KLHL38: variants seen among roughly 807,000 people sequenced by gnomAD.
KLHL38 encodes the protein kelch like family member 38.
KLHL38 carries 38 observed loss-of-function variants against 39.6 expected under a neutral mutation model. The observed-to-expected ratio is 0.96, with a 90% CI of 0.74 to 1.26. The LOEUF (loss-of-function observed/expected upper bound fraction) is 1.26, where lower values mean the gene tolerates loss of function less well. Ranked by LOEUF, KLHL38 falls within the 50% of genes most tolerant of loss-of-function variation. KLHL38 has a pLI of 0.00. For synonymous variants in KLHL38, 322 were observed against 302.2 expected, an observed-to-expected ratio of 1.07 and a Z score of -0.68; for missense variants, 803 against 748.1, an observed-to-expected ratio of 1.07 and a Z score of -0.86.
intron 1 of KLHL38, 98 bp from the exon 2 acceptor site, chr8:123,653,025 G>A: frequency 8.3e-7 from 1 of 1,201,608 alleles, no homozygotes; most frequent in Non-Finnish European, 1.1e-6. Context: ...CAAGACCAGT[G>A]CTCCTATTCC....
rs1554587823 is a variant in KLHL38, at chr8:123,645,055, A to AGG, written c.*682_*683dup. Among the ~76,000 whole-genome samples, 1 of 149,546 alleles carries AGG rather than the reference A, an allele frequency of 6.7e-6. No homozygotes were observed. Among genetic ancestry groups the AGG allele is most frequent in the Non-Finnish European group, 1.5e-5 (1 of 67,262 alleles). On this transcript the variant is annotated 3_prime_UTR_variant, in exon 4 of 4. Transcript: ENST00000684634. ...GAGACTGAGAGAGAGAGAGAGAGAG[A>AGG]GGGGCAGAGAGAGGCAGAGAGACAG...
At chr8:123,651,223 ATT>A (rs1476462476) in intron 2 of KLHL38, among the ~76,000 whole-genome samples, 1 of 151,912 alleles carries the variant, frequency 6.6e-6, no homozygotes, top group East Asian at 1.9e-4. Flanking sequence ...GCATGTACGT[ATT>A]TGTGTTCGTG....
In KLHL38 at chr8:123,645,417, A is replaced by G. The variant is rs982046848; in HGVS notation, c.*322T>C. On this transcript the variant is annotated 3_prime_UTR_variant, in exon 4 of 4. Coordinates refer to ENST00000684634, the MANE Select transcript of KLHL38 (RefSeq NM_001081675.3). ...GCACCACTGCACTCCAGCCTGGGCT[A>G]CAGAGTGAAACTCCATCTCAAAAAA... The G allele has an allele frequency of 1.8e-5, 6 of 331,196 alleles. No individual in the cohort carries two copies. The highest frequency in any genetic ancestry group is 6.3e-5 in the African/African-American group (3 of 47,946). 20.5% of individuals were successfully genotyped at this position (331,196 alleles called of 1,614,324 possible).
Position 123,652,041 on chromosome 8 carries a change from G to A in KLHL38, c.886C>T (p.Gln296Ter). The change falls in exon 2 of 4, where the codon CAG becomes TAG. Residue 296 changes from glutamine to a stop codon, truncating the protein, a stop_gained. Coordinates refer to ENST00000684634, the MANE Select transcript of KLHL38 (RefSeq NM_001081675.3). LOFTEE classifies it high-confidence loss of function. Reference sequence around the variant, plus strand: ...AGTAGGACGTCCCTGGTGGTCTGCTGGCTGTCCTTCCTTCCGCCCAAGAGG... The same window carrying A: ...AGTAGGACGTCCCTGGTGGTCTGCTAGCTGTCCTTCCTTCCGCCCAAGAGG... The part of the protein sequence containing the change: ...LILLGGRKDS[Q>*]QTTRDVLLYS... 6.2e-7 allele frequency: 1 copy of A among 1,614,180 alleles called. No homozygotes were observed. Among genetic ancestry groups the A allele is most frequent in the Non-Finnish European group, 8.5e-7 (1 of 1,180,028 alleles).
chr8:123,646,912 C>G lies in KLHL38; in HGVS notation c.1453G>C (p.Gly485Arg), dbSNP rs915202895. The stretch of plus-strand genomic sequence containing the variant: ...GTGATCCTCTGTTCAGACTCACCTC[C>G]CACAATGACAATCCGCTCCCCAAGC... ...VVLGERIVIVGGYTRRILAYD... is the reference protein window; with the variant it reads ...VVLGERIVIVRGYTRRILAYD... The change falls in exon 3 of 4, where the codon GGA (glycine) becomes CGA (arginine). Residue 485 changes from glycine (G) to arginine (R), a missense_variant. Coordinates refer to ENST00000684634, the MANE Select transcript of KLHL38 (RefSeq NM_001081675.3). 2.5e-6 allele frequency: 4 copies of G among 1,609,418 alleles called. No homozygotes were observed. The highest frequency in any genetic ancestry group is 2.5e-6 in the Non-Finnish European group (3 of 1,176,850).
chr8:123,645,997 A>G lies in KLHL38; in HGVS notation c.1488T>C (p.Pro496=). ...GYTRRILAYD[P]QSNKFVKCAD... ...CACATTTGACAAATTTGTTGGATTG[A>G]GGGTCATAAGCAAGAATCCTCCTTG... Residue 496 remains proline, a synonymous_variant, in exon 4 of 4, where the codon CCT becomes CCC. Coordinates refer to ENST00000684634, the MANE Select transcript of KLHL38 (RefSeq NM_001081675.3). 1 of 1,614,116 alleles carries G rather than the reference A, an allele frequency of 6.2e-7. No individual in the cohort carries two copies. Among genetic ancestry groups the G allele is most frequent in the African/African-American group, 1.3e-5 (1 of 75,028 alleles).
chr8:123,652,320 A>G lies in KLHL38; in HGVS notation c.607T>C (p.Trp203Arg), dbSNP rs560822048. The G allele has an allele frequency of 4.1e-4, 663 of 1,613,934 alleles. 7 individuals are homozygous for G. The South Asian group carries it at 6.7e-3, about 16-fold the overall frequency. The change falls in exon 2 of 4, where the codon TGG becomes CGG. Residue 203 changes from tryptophan to arginine, a missense_variant. By Grantham distance (101) the Trp-to-Arg change is moderately radical. Transcript: ENST00000684634. ...EEKVFEALMV[W>R]IKHDLQARKR... Reference sequence around the variant, plus strand: ...CGGGCCTGGAGGTCATGCTTGATCCAAACCATGAGGGCCTCAAACACCTTT... The same window carrying G: ...CGGGCCTGGAGGTCATGCTTGATCCGAACCATGAGGGCCTCAAACACCTTT...
In KLHL38 at chr8:123,652,773, G is replaced by T; in HGVS notation, c.154C>A (p.Leu52Met). ...CTGAAGTAGGGGCTGCTGGAGGCCA[G>T]CACGTTGCGGTGGCAGGGGATCTCC... ...AREIPCHRNV[L>M]ASSSPYFRAM... Residue 52 changes from leucine to methionine, a missense_variant, in exon 2 of 4, where the codon CTG becomes ATG. Coordinates refer to ENST00000684634, the MANE Select transcript of KLHL38 (RefSeq NM_001081675.3). 1 of 1,614,162 alleles carries T rather than the reference G, an allele frequency of 6.2e-7. No homozygotes were observed.
intron 2 of KLHL38, among the ~76,000 whole-genome samples, chr8:123,651,280 T>C (rs897099682): frequency 1.3e-5 from 2 of 152,012 alleles, no homozygotes; most frequent in African/African-American, 4.8e-5. Context: ...TATGTAAATG[T>C]GTGTATGCAT....
chr8:123,651,738 G>T lies in KLHL38; in HGVS notation c.1189C>A (p.Leu397Ile), dbSNP rs201299453. ...TCATACCTTTCCATGGAGCCCATGA[G>T]CTCCTGCCCTTCTCCAATCCCCCCG... ...SIGGIGEGQE[L>I]MGSMERYDSI... The change falls in exon 2 of 4, where the codon CTC (leucine) becomes ATC (isoleucine). Residue 397 changes from leucine (L) to isoleucine (I), a missense_variant. Coordinates refer to ENST00000684634, the MANE Select transcript of KLHL38 (RefSeq NM_001081675.3). The T allele has an allele frequency of 6.2e-7, 1 of 1,614,180 alleles. No individual in the cohort carries two copies. Among genetic ancestry groups the T allele is most frequent in the East Asian group, 2.2e-5 (1 of 44,874 alleles).
At chr8:123,649,818 A>G (rs1812602819) in intron 2 of KLHL38, among the ~76,000 whole-genome samples, 1 of 151,914 alleles carries the variant, frequency 6.6e-6, no homozygotes, top group African/African-American at 2.4e-5. Context: ...GCCCCTAGCC[A>G]CCCCTCTGCA....
intron 2 of KLHL38, among the ~76,000 whole-genome samples, chr8:123,648,921 T>A (rs931699900): frequency 2.0e-5 from 3 of 152,248 alleles, no homozygotes; most frequent in Admixed American, 1.3e-4. Context: ...GCATTCATTT[T>A]AAACTATATT....
In KLHL38 at chr8:123,645,975, AT is replaced by A; in HGVS notation, c.1509del (p.Lys503AsnfsTer5). The A allele has an allele frequency of 6.2e-7, 1 of 1,614,076 alleles. No individual in the cohort carries two copies. Among genetic ancestry groups the A allele is most frequent in the South Asian group, 1.1e-5 (1 of 91,078 alleles). On this transcript the variant is annotated frameshift_variant, in exon 4 of 4. Coordinates refer to ENST00000684634, the MANE Select transcript of KLHL38 (RefSeq NM_001081675.3). LOFTEE classifies it high-confidence loss of function. ...AYDPQSNKFV[K>X]CADMKDRRMH... ...ATCCTCCGGTCTTTCATGTCCGCACATTTGACAAATTTGTTGGATTGAGGGT... is the reference window on the plus strand; with the variant it reads ...ATCCTCCGGTCTTTCATGTCCGCACATTGACAAATTTGTTGGATTGAGGGT...
Position 123,652,234 on chromosome 8 carries a change from G to C in KLHL38, c.693C>G (p.Phe231Leu). 1.9e-6 allele frequency: 3 copies of C among 1,614,204 alleles called. No homozygotes were observed. The highest frequency in any genetic ancestry group is 2.5e-6 in the Non-Finnish European group (3 of 1,180,032). ...CATCGTTGGCGATGAAGTGGTGAAA[G>C]AAGGCTGGGTGGATGTACTGCAGCC... ...QVRLQYIHPA[F>L]FHHFIANDAL... Residue 231 changes from phenylalanine to leucine, a missense_variant, in exon 2 of 4, where the codon TTC becomes TTG. Coordinates refer to ENST00000684634, the MANE Select transcript of KLHL38 (RefSeq NM_001081675.3).
Position 123,645,863 on chromosome 8 carries a change from G to A in KLHL38, c.1622C>T (p.Ala541Val). Residue 541 changes from alanine to valine, a missense_variant, in exon 4 of 4, where the codon GCC (alanine) becomes GTC (valine). Ala to Val is a moderately conservative substitution (Grantham distance 64). Transcript: ENST00000684634. ...LTTDCNIEDSASFDCYDPETD... is the reference protein window; with the variant it reads ...LTTDCNIEDSVSFDCYDPETD... ...CTCGGGGTCGTAGCAATCGAAGGAG[G>A]CGGAGTCCTCAATGTTGCAGTCCGT... 6.2e-7 allele frequency: 1 copy of A among 1,613,942 alleles called. No individual in the cohort carries two copies. The highest frequency in any genetic ancestry group is 8.5e-7 in the Non-Finnish European group (1 of 1,179,994).
At position 123,646,903 on chromosome 8, in the gene KLHL38, A is replaced by G. The variant is rs1818673128; in HGVS notation, c.1456+6T>C. 1 of 1,602,242 alleles carries G rather than the reference A, an allele frequency of 6.2e-7. No individual in the cohort carries two copies. Among genetic ancestry groups the G allele is most frequent in the Admixed American group, 1.7e-5 (1 of 59,328 alleles). On this transcript the variant is annotated splice_donor_region_variant and intron_variant, in intron 3 of 3. Coordinates refer to ENST00000684634, the MANE Select transcript of KLHL38 (RefSeq NM_001081675.3). ...TCACGCCCAGTGATCCTCTGTTCAG[A>G]CTCACCTCCCACAATGACAATCCGC... is the stretch of plus-strand genomic sequence containing the variant.
chr8:123,651,748 T>C lies in KLHL38; in HGVS notation c.1179A>G (p.Glu393=). 1.9e-6 allele frequency: 3 copies of C among 1,614,194 alleles called. No homozygotes were observed. Among genetic ancestry groups the C allele is most frequent in the Non-Finnish European group, 2.5e-6 (3 of 1,180,034 alleles). The part of the protein sequence containing the change: ...NFIFSIGGIG[E]GQELMGSMER... ...CCATGGAGCCCATGAGCTCCTGCCC[T>C]TCTCCAATCCCCCCGATGGAGAAGA... The change falls in exon 2 of 4, where the codon GAA becomes GAG. Residue 393 remains glutamate, a synonymous_variant. Transcript: ENST00000684634.
Position 123,645,958 on chromosome 8 carries a change from G to A in KLHL38, c.1527C>T (p.Asp509=), listed in dbSNP as rs1160866874. The A allele has an allele frequency of 6.2e-7, 1 of 1,614,128 alleles. No individual in the cohort carries two copies. Among genetic ancestry groups the A allele is most frequent in the Non-Finnish European group, 8.5e-7 (1 of 1,179,994 alleles). The part of the protein sequence containing the change: ...NKFVKCADMK[D]RRMHHGATVM... ...CTGTGGCCCCATGGTGCATCCTCCG[G>A]TCTTTCATGTCCGCACATTTGACAA... The change falls in exon 4 of 4, where the codon GAC becomes GAT. Residue 509 remains aspartate (D), a synonymous_variant. Transcript: ENST00000684634.
rs781057716 is a variant in KLHL38, at chr8:123,652,425, C to A, written c.502G>T (p.Ala168Ser). 1.9e-6 allele frequency: 3 copies of A among 1,614,146 alleles called. No homozygotes were observed. Among genetic ancestry groups the A allele is most frequent in the Non-Finnish European group, 2.5e-6 (3 of 1,180,042 alleles). ...VALTSFPEVAASADLKELCAL... is the reference protein window; with the variant it reads ...VALTSFPEVASSADLKELCAL... ...CAGAGCTCCTTCAGGTCGGCCGATGCGGCCACCTCTGGGAAGGACGTCAGT... is the reference window on the plus strand; with the variant it reads ...CAGAGCTCCTTCAGGTCGGCCGATGAGGCCACCTCTGGGAAGGACGTCAGT... The change falls in exon 2 of 4, where the codon GCA becomes TCA. Residue 168 changes from alanine to serine, a missense_variant. Ala to Ser is a moderately conservative substitution (Grantham distance 99). Transcript: ENST00000684634.
Sources: gnomAD v4.1 joint callset for allele counts (sites outside exome capture counted in the v4.1 genomes callset) on GRCh38, gnomAD v4.1.1 for gene constraint, MANE v1.5 for transcripts, NCBI Gene and HGNC (gene_info 2026-07-23, HGNC 2026-07-21) for gene names.